Variants in GRM8 observed in about 807,000 individuals in gnomAD.
The protein encoded by GRM8 is glutamate metabotropic receptor 8.
A neutral mutation model predicts 87.2 loss-of-function variants in GRM8; 47 were observed. The ratio of observed to expected loss-of-function variants is 0.54; its 90% confidence interval spans 0.43 to 0.69. GRM8 has a LOEUF of 0.69. GRM8 is among the 30% of genes least tolerant of loss of function. The pLI is 0.00. For synonymous variants in GRM8, 396 were observed against 404.5 expected (o/e 0.98, Z 0.25); for missense variants, 1,019 against 1,139.2 (o/e 0.89, Z 1.52).
chr7:127,056,378 A>G (rs1277676260), intron 3 of GRM8, among the ~76,000 whole-genome samples: 1 of 152,228 alleles, frequency 6.6e-6, no homozygotes, highest in Non-Finnish European at 1.5e-5. Context: ...TTAAATCCAA[A>G]GCTGCCAAAT....
chr7:127,141,845 A>G (rs1019281968), intron 2 of GRM8, among the ~76,000 whole-genome samples: 1 of 152,180 alleles, frequency 6.6e-6, no homozygotes, highest in Admixed American at 6.5e-5. Context: ...GACCAAGACT[A>G]GACTATGGCA....
chr7:127,063,056 T>C (rs1031317773), intron 3 of GRM8, among the ~76,000 whole-genome samples: 25 of 151,636 alleles, frequency 1.6e-4, no homozygotes, highest in Non-Finnish European at 7.4e-5. Flanking sequence ...ATCAAGACCA[T>C]GCTGGCTAAC....
intron 9 of GRM8, among the ~76,000 whole-genome samples, chr7:126,513,861 A>G (rs550724493): frequency 6.6e-5 from 10 of 152,282 alleles, no homozygotes; most frequent in African/African-American, 2.4e-4. Flanking sequence ...TCAGAGGTGT[A>G]TACTACCAAA....
At chr7:126,727,948 C>T (rs1813194109) in intron 7 of GRM8, among the ~76,000 whole-genome samples, 1 of 152,118 alleles carries the variant, frequency 6.6e-6, no homozygotes, top group South Asian at 2.1e-4. Flanking sequence ...TATAAGATTA[C>T]ATTATTGATG....
intron 6 of GRM8, among the ~76,000 whole-genome samples, chr7:126,852,560 GT>G (rs1797308908): frequency 6.6e-6 from 1 of 152,148 alleles, no homozygotes; most frequent in African/African-American, 2.4e-5. Context: ...CAGTAAATAG[GT>G]TTATAGAACT....
intron 2 of GRM8, among the ~76,000 whole-genome samples, chr7:127,107,296 C>T (rs1396213157): frequency 6.6e-6 from 1 of 152,120 alleles, no homozygotes; most frequent in African/African-American, 2.4e-5. Flanking sequence ...TGAGAATTGC[C>T]AGCAGCCACA....
At chr7:126,708,874 A>G (rs1337691181) in intron 7 of GRM8, among the ~76,000 whole-genome samples, 4 of 152,082 alleles carry the variant, frequency 2.6e-5, no homozygotes, top group Admixed American at 6.6e-5. Context: ...AATTTTAGAC[A>G]GGAAGATTAA....
chr7:126,946,683 C>G (rs906149122), intron 3 of GRM8, among the ~76,000 whole-genome samples: 5 of 152,166 alleles, frequency 3.3e-5, no homozygotes, highest in African/African-American at 9.7e-5. Flanking sequence ...CTACCTGACC[C>G]ACAGTGACTA....
At chr7:127,029,630 G>C (rs1324647571) in intron 3 of GRM8, among the ~76,000 whole-genome samples, 1 of 149,334 alleles carries the variant, frequency 6.7e-6, no homozygotes. Context: ...TTTAAAGTCT[G>C]TTTTATCAGA....
intron 7 of GRM8, among the ~76,000 whole-genome samples, chr7:126,635,901 C>A (rs779141526): frequency 2.6e-5 from 4 of 152,064 alleles, no homozygotes; most frequent in Admixed American, 2.0e-4. Flanking sequence ...CCTAAATACA[C>A]ACAAGCATTT....
chr7:127,067,369 T>A (rs1821226703), intron 3 of GRM8, among the ~76,000 whole-genome samples: 1 of 152,240 alleles, frequency 6.6e-6, no homozygotes, highest in South Asian at 2.1e-4. Context: ...ATTCTTTTTT[T>A]AAATGATTCC....
chr7:127,213,862 C>T (rs552684126), intron 2 of GRM8, among the ~76,000 whole-genome samples: 181 of 152,270 alleles, frequency 1.2e-3, no homozygotes, highest in African/African-American at 4.1e-3. Context: ...TCTACTAATG[C>T]TGAATACATG....
intron 3 of GRM8, among the ~76,000 whole-genome samples, chr7:126,909,904 C>G (rs2131282196): frequency 6.6e-6 from 1 of 152,300 alleles, no homozygotes; most frequent in Middle Eastern, 3.4e-3. Context: ...GTCTGGACTT[C>G]TTCCATCATC....
At chr7:127,028,005 C>G (rs1017476735) in intron 3 of GRM8, among the ~76,000 whole-genome samples, 7 of 152,142 alleles carry the variant, frequency 4.6e-5, no homozygotes, top group African/African-American at 1.7e-4. Context: ...TACATTACCT[C>G]CATACCTAGT....
intron 2 of GRM8, among the ~76,000 whole-genome samples, chr7:127,132,457 T>G (rs1165981801): frequency 6.6e-6 from 1 of 152,130 alleles, no homozygotes; most frequent in African/African-American, 2.4e-5. Flanking sequence ...ATCTGTCACA[T>G]GCCATTCTGC....
At chr7:126,948,745 T>C (rs1314548787) in intron 3 of GRM8, among the ~76,000 whole-genome samples, 2 of 152,240 alleles carry the variant, frequency 1.3e-5, no homozygotes, top group African/African-American at 4.8e-5. Context: ...CGCCATCCCC[T>C]GGGGAAGCGC....
At chr7:126,608,124 C>T (rs1798547172) in intron 8 of GRM8, among the ~76,000 whole-genome samples, 1 of 151,806 alleles carries the variant, frequency 6.6e-6, no homozygotes, top group African/African-American at 2.4e-5. Flanking sequence ...AGATGCTGCC[C>T]TCCTTGCCCT....
intron 7 of GRM8, among the ~76,000 whole-genome samples, chr7:126,630,611 C>T (rs144842119): frequency 6.6e-6 from 1 of 152,178 alleles, no homozygotes; most frequent in Non-Finnish European, 1.5e-5. Flanking sequence ...CCTTGATGAA[C>T]ATCAATGGAA....
At chr7:126,807,667 T>C (rs1792912629) in intron 6 of GRM8, among the ~76,000 whole-genome samples, 1 of 152,082 alleles carries the variant, frequency 6.6e-6, no homozygotes, top group Non-Finnish European at 1.5e-5. Flanking sequence ...ATTTTCCAAA[T>C]GATTCTCCTA....
Sources: allele counts gnomAD v4.1 joint callset (sites outside exome capture counted in the v4.1 genomes callset), GRCh38; gene constraint gnomAD v4.1.1; transcripts MANE v1.5; gene names NCBI Gene and HGNC (gene_info 2026-07-23, HGNC 2026-07-21).